The following NF1 variants were observed in gnomAD, a reference collection of about 807,000 sequenced individuals.
The protein encoded by NF1 is neurofibromin.
In NF1, 122 loss-of-function variants were observed where a neutral mutation model predicts 325.7. The ratio of observed to expected loss-of-function variants is 0.37; its 90% CI spans 0.32 to 0.44. The LOEUF (loss-of-function observed/expected upper bound fraction) is 0.44, where lower values mean the gene tolerates loss of function less well. Ranked by LOEUF, NF1 falls within the 20% of genes least tolerant of loss-of-function variation. NF1 has a pLI of 1.00. For missense variants in NF1, 2,140 were observed against 3,415.4 expected, an observed-to-expected ratio of 0.63 and a Z score of 9.31; for synonymous variants, 1,091 against 1,186.0, an observed-to-expected ratio of 0.92 and a Z score of 1.65.
At chr17:31,176,100 T>G (rs1383504838) in intron 5 of NF1, among the ~76,000 whole-genome samples, 1 of 152,226 alleles carries the variant, frequency 6.6e-6, no homozygotes, top group Non-Finnish European at 1.5e-5. Flanking sequence ...ATCGCCACAC[T>G]GTCTTCCACA....
chr17:31,235,813 A>G (rs1243671690), intron 28 of NF1, 41 bp downstream of exon 28: 3 of 1,612,936 alleles, frequency 1.9e-6, no homozygotes, highest in East Asian at 4.5e-5. Flanking sequence ...GTGCTGAGGT[A>G]TGTCAAGTAA....
rs71142019 is a variant in NF1 at position 31,121,395 on chromosome 17, C to CTTTTT, written c.60+26045_60+26049dup. ...TCCCTTCTATGTGCAAATCACTATT[C>CTTTTT]TTTTTTTTTTTTTTTTTTTTTTTGA... is the stretch of plus-strand genomic sequence containing the variant. On this transcript the variant is annotated intron_variant, in intron 1 of 57. Coordinates refer to ENST00000358273, the MANE Select transcript of NF1 (RefSeq NM_001042492.3). 5.5e-3 allele frequency among the ~76,000 whole-genome samples: 510 copies of CTTTTT among 92,418 alleles called. 11 individuals carry two copies. The highest frequency in any genetic ancestry group is 0.014 in the African/African-American group (318 of 22,364). The allele number at this position is 92,418 out of a possible 152,430, so 60.6% of individuals were successfully genotyped here.
At position 31,336,530 on chromosome 17, in the gene NF1, G is replaced by GT. The variant is rs372150995; in HGVS notation, c.6147+63dup. 30 of 1,608,704 alleles carry GT rather than the reference G, an allele frequency of 1.9e-5. No homozygotes were observed. In the East Asian group the frequency reaches 6.7e-4, roughly 36 times the overall value. On this transcript the variant is annotated intron_variant, in intron 41 of 57. Transcript: ENST00000358273. This position sits in a 1 kb window ranked among gnomAD's most constrained non-coding sequence, Gnocchi z 5.5. ...AGCATATCTGTTTTATCATCAGGAG[G>GT]TTTTTTGTTTTGTAATTACTTTTAA...
At chr17:31,096,740 G>A (rs1430941112) in intron 1 of NF1, among the ~76,000 whole-genome samples, 4 of 152,212 alleles carry the variant, frequency 2.6e-5, no homozygotes, top group African/African-American at 9.6e-5. Context: ...ATAGACAGAG[G>A]AAGTTGAGAA....
intron 46 of NF1, chr17:31,340,249 C>A: frequency 1.9e-6 from 1 of 514,146 alleles, no homozygotes; most frequent in Non-Finnish European, 3.5e-6. Flanking sequence ...ATCAACAAAC[C>A]TTGGTGACTG....
rs1400902839 is a variant in NF1 at position 31,226,564 on chromosome 17, C to T, written c.2131C>T (p.Arg711Cys). The T allele has an allele frequency of 1.2e-6, 2 of 1,613,836 alleles. No homozygotes were observed. Among genetic ancestry groups the T allele is most frequent in the Non-Finnish European group, 1.7e-6 (2 of 1,179,804 alleles). The change falls in exon 18 of 58, where the codon CGC (arginine) becomes TGC (cysteine). Residue 711 changes from arginine to cysteine, a missense_variant. Physicochemically the swap from Arg to Cys is radical, Grantham distance 180. Around this residue, in one of 10 missense-constraint regions of NF1, gnomAD observed 380 missense variants for 639.3 expected, o/e 0.59. Transcript: ENST00000358273. ...EAVLVAMSCF[R>C]HLCEEADIRC... ...TGTTCTGGTTGCCATGTCCTGTTTCCGCCACCTCTGTGAGGAAGCAGATAT... is the reference window on the plus strand; with the variant it reads ...TGTTCTGGTTGCCATGTCCTGTTTCTGCCACCTCTGTGAGGAAGCAGATAT...
At chr17:31,113,213 G>A (rs1266401768) in intron 1 of NF1, among the ~76,000 whole-genome samples, 1 of 152,056 alleles carries the variant, frequency 6.6e-6, no homozygotes, top group Non-Finnish European at 1.5e-5. Flanking sequence ...TTTGATTGTT[G>A]CTAATATATA....
intron 51 of NF1, among the ~76,000 whole-genome samples, chr17:31,355,175 C>T (rs949481297): frequency 2.0e-5 from 3 of 152,040 alleles, no homozygotes; most frequent in Non-Finnish European, 4.4e-5. Flanking sequence ...TGAGATCTTC[C>T]AGGAAGAATG....
At chr17:31,199,031 C>T (rs1471836144) in intron 8 of NF1, among the ~76,000 whole-genome samples, 2 of 151,884 alleles carry the variant, frequency 1.3e-5, no homozygotes, top group Non-Finnish European at 2.9e-5. Context: ...TTGACTTTTT[C>T]AAAGAATCAG....
Position 31,326,987 on chromosome 17 carries a change from C to T in NF1, c.5269-512C>T, listed in dbSNP as rs544161545. Among the ~76,000 whole-genome samples the T allele has an allele frequency of 4.0e-3, 166 of 41,456 alleles. 1 individual carries two copies. Among genetic ancestry groups the T allele is most frequent in the African/African-American group, 7.3e-3 (152 of 20,872 alleles). 27.2% of individuals were successfully genotyped at this position (41,456 alleles called of 152,430 possible). ...TGTTGCCTAGGCTGGAGTGCAGTGG[C>T]GTGATCTCAGAGTGCAGTGGCGTGA... On this transcript the variant is annotated intron_variant, in intron 37 of 57. Coordinates refer to ENST00000358273, the MANE Select transcript of NF1 (RefSeq NM_001042492.3).
At chr17:31,132,310 G>C (rs1172602183) in intron 1 of NF1, among the ~76,000 whole-genome samples, 1 of 152,106 alleles carries the variant, frequency 6.6e-6, no homozygotes, top group African/African-American at 2.4e-5. Flanking sequence ...GCGAGGCTGA[G>C]GTAGATGGAT....
intron 36 of NF1, chr17:31,318,445 G>C: frequency 6.2e-7 from 1 of 1,613,942 alleles, no homozygotes; most frequent in Non-Finnish European, 8.5e-7. Context: ...TGATTCAGCG[G>C]GCCATAGACC....
chr17:31,258,108 A>G (rs747498998), intron 31 of NF1, among the ~76,000 whole-genome samples: 1 of 152,158 alleles, frequency 6.6e-6, no homozygotes, highest in Non-Finnish European at 1.5e-5. Context: ...CATCTCATCC[A>G]TGAGGTTTTT....
At chr17:31,102,882 A>G (rs556008754) in intron 1 of NF1, among the ~76,000 whole-genome samples, 4 of 148,086 alleles carry the variant, frequency 2.7e-5, no homozygotes, top group East Asian at 2.0e-4. Context: ...GTCTCGCTCT[A>G]TTGCCCAGGT....
At chr17:31,099,753 G>T (rs1912131257) in intron 1 of NF1, among the ~76,000 whole-genome samples, 2 of 151,546 alleles carry the variant, frequency 1.3e-5, no homozygotes, top group East Asian at 1.9e-4. Flanking sequence ...AGAGACGGGG[G>T]TTTCACCGTG....
intron 57 of NF1, among the ~76,000 whole-genome samples, chr17:31,369,667 G>A (rs1243662023): frequency 6.6e-6 from 1 of 152,142 alleles, no homozygotes; most frequent in African/African-American, 2.4e-5. Context: ...AACTTTAAAG[G>A]GGTTTTGATG....
chr17:31,117,525 T>C (rs1050514212), intron 1 of NF1, among the ~76,000 whole-genome samples: 1 of 150,296 alleles, frequency 6.7e-6, no homozygotes, highest in Admixed American at 6.6e-5. Context: ...CAAAAAAAAT[T>C]AGCTGGGCGT....
rs1597716348 is a variant in NF1 at position 31,229,899 on chromosome 17, T to C, written c.2915T>C (p.Leu972Pro). 6.2e-7 allele frequency: 1 copy of C among 1,611,882 alleles called. No homozygotes were observed. The highest frequency in any genetic ancestry group is 8.5e-7 in the Non-Finnish European group (1 of 1,179,732). The change falls in exon 22 of 58, where the codon CTA becomes CCA. Residue 972 changes from leucine (L) to proline (P), a missense_variant. Physicochemically the swap from Leu to Pro is moderately conservative, Grantham distance 98. Coordinates refer to ENST00000358273, the MANE Select transcript of NF1 (RefSeq NM_001042492.3). ...EQTIAIMKNL[L>P]DNHTEGSSEH... ...ACCATAGCTATAATGAAGAACTTGC[T>C]AGATAATCATACTGAAGGCAGCTCT...
At chr17:31,339,467 C>G (rs1416996319) in intron 46 of NF1, among the ~76,000 whole-genome samples, 1 of 152,110 alleles carries the variant, frequency 6.6e-6, no homozygotes, top group Non-Finnish European at 1.5e-5. Flanking sequence ...CCATCCAGTT[C>G]TAAAGTGGTT....
Sources: allele counts gnomAD v4.1 joint callset (sites outside exome capture counted in the v4.1 genomes callset), GRCh38; gene constraint gnomAD v4.1.1; regional missense constraint gnomAD v4.1.1; non-coding constraint Gnocchi (gnomAD v3.1); transcripts MANE v1.5; gene names NCBI Gene and HGNC (gene_info 2026-07-23, HGNC 2026-07-21).